The following SLC7A2 variants were observed in gnomAD, a reference collection of about 807,000 sequenced individuals.
The protein encoded by SLC7A2 is solute carrier family 7 member 2.
A neutral mutation model predicts 58.9 loss-of-function variants in SLC7A2; 48 were observed. The ratio of observed to expected loss-of-function variants is 0.82; its 90% CI spans 0.65 to 1.04. The LOEUF is 1.04. SLC7A2 is among the 50% of genes least tolerant of loss of function. The pLI is 0.00. For missense variants in SLC7A2, 1,029 were observed against 818.8 expected (o/e 1.26, Z -3.13); for synonymous variants, 363 against 314.5 (o/e 1.15, Z -1.63).
intron 8 of SLC7A2, 138 bp from the exon 9 acceptor site, chr8:17,558,157 A>G (rs535564592): frequency 5.8e-5 from 35 of 599,422 alleles, no homozygotes; most frequent in South Asian, 3.9e-4. Context: ...TGTGAGAGAT[A>G]TATTTTCTAC....
chr8:17,544,114 C>T (rs1802051446), intron 3 of SLC7A2, among the ~76,000 whole-genome samples: 1 of 152,230 alleles, frequency 6.6e-6, no homozygotes, highest in African/African-American at 2.4e-5. Flanking sequence ...AGGTGATCCA[C>T]TCACCTCGGC....
chr8:17,528,432 C>T (rs1468673931), intron 2 of SLC7A2, among the ~76,000 whole-genome samples: 2 of 151,842 alleles, frequency 1.3e-5, no homozygotes, highest in Admixed American at 6.6e-5. Flanking sequence ...TTGCCCAGGC[C>T]GGAGTGCAGT....
chr8:17,497,264 C>A lies in SLC7A2; in HGVS notation c.-69+27C>A, dbSNP rs539345638. Reference sequence around the variant, plus strand: ...TAAGTTGCTAGGTCTCCAGCCCCGCCGAGAGGCCGCGGGCGAGGGGCAGCC... The same window carrying A: ...TAAGTTGCTAGGTCTCCAGCCCCGCAGAGAGGCCGCGGGCGAGGGGCAGCC... On this transcript the variant is annotated intron_variant, in intron 1 of 12. Transcript: ENST00000494857. 139 of 152,234 alleles carry A rather than the reference C, an allele frequency of 9.1e-4. 2 individuals carry two copies. Among genetic ancestry groups the A allele is most frequent in the Non-Finnish European group, 1.3e-3 (90 of 68,068 alleles). The allele number at this position is 152,234 out of a possible 1,614,324, so 9.4% of individuals were successfully genotyped here. A position where few individuals can be genotyped will look rare whatever the true frequency, so the allele number is the denominator to read the frequency against.
At position 17,544,599 on chromosome 8, in the gene SLC7A2, T is replaced by C; in HGVS notation, c.525T>C (p.Leu175=). Residue 175 remains leucine (L), a synonymous_variant, in exon 4 of 13, where the codon CTT becomes CTC. Transcript: ENST00000494857. ...PDFFAVCLIL[L]LAGLLSFGVK... ...TTTTTGCTGTGTGCCTTATATTACT[T>C]CTAGCAGGTAAGAAAACCAGTTATG... The C allele has an allele frequency of 6.2e-7, 1 of 1,613,600 alleles. No individual in the cohort carries two copies. The highest frequency in any genetic ancestry group is 1.7e-4 in the Middle Eastern group (1 of 6,058).
chr8:17,509,306 ATTC>A (rs914010688), intron 2 of SLC7A2, among the ~76,000 whole-genome samples: 7 of 151,834 alleles, frequency 4.6e-5, no homozygotes, highest in Non-Finnish European at 7.4e-5. Flanking sequence ...TAATTTCCTT[ATTC>A]TTCTTCTTCT....
In SLC7A2 at chr8:17,565,396, GTGTA is replaced by G; in HGVS notation, c.*260_*263del. The G allele has an allele frequency of 2.3e-6, 1 of 432,428 alleles. No individual in the cohort carries two copies. Among genetic ancestry groups the G allele is most frequent in the East Asian group, 3.9e-5 (1 of 25,574 alleles). 26.8% of individuals were successfully genotyped at this position (432,428 alleles called of 1,614,324 possible). ...AAACAGTGGGAGTGTGTATGTATGT[GTGTA>G]TGTATGTATCTATGTATATGCTTGG... On this transcript the variant is annotated 3_prime_UTR_variant, in exon 13 of 13. Coordinates refer to ENST00000494857, the MANE Select transcript of SLC7A2 (RefSeq NM_001370338.1).
At position 17,560,496 on chromosome 8, in the gene SLC7A2, G is replaced by A; in HGVS notation, c.1467G>A (p.Gln489=). Residue 489 remains glutamine, a synonymous_variant, in exon 10 of 13, where the codon CAG becomes CAA. Transcript: ENST00000494857. ...GCCCCTCCCTTCTGCCAACACAGCA[G>A]TCAGCTTCTCTCGTGAGCTTTCTGG... The part of the protein sequence containing the change: ...LFCPSLLPTQ[Q]SASLVSFLVG... 3 of 1,613,952 alleles carry A rather than the reference G, an allele frequency of 1.9e-6. No individual in the cohort carries two copies. In the South Asian group the frequency reaches 3.3e-5, roughly 18 times the overall value.
chr8:17,495,698 C>G (rs1348121745), upstream of SLC7A2, among the ~76,000 whole-genome samples: 1 of 152,048 alleles, frequency 6.6e-6, no homozygotes, highest in Non-Finnish European at 1.5e-5. Context: ...TACAGGCGCC[C>G]GCCGCCGCGC....
At chr8:17,510,162 G>A (rs985761178) in intron 2 of SLC7A2, among the ~76,000 whole-genome samples, 2 of 152,048 alleles carry the variant, frequency 1.3e-5, no homozygotes, top group Non-Finnish European at 2.9e-5. Flanking sequence ...AGAGGTTGCA[G>A]TGAGCCAAGA....
At chr8:17,528,841 T>C (rs544084853) in intron 2 of SLC7A2, among the ~76,000 whole-genome samples, 2 of 152,254 alleles carry the variant, frequency 1.3e-5, no homozygotes, top group East Asian at 1.9e-4. Context: ...GTAAGAGTTA[T>C]AGGAGGAGAG....
intron 2 of SLC7A2, chr8:17,510,789 A>T (rs181947780): frequency 6.6e-6 from 1 of 152,178 alleles, no homozygotes. Context: ...CTACTAGGAA[A>T]ACACATCCAA....
chr8:17,543,351 C>T lies in SLC7A2; in HGVS notation c.12C>T (p.Cys4=), dbSNP rs1188715715. 4 of 1,611,812 alleles carry T rather than the reference C, an allele frequency of 2.5e-6. No individual in the cohort carries two copies. The highest frequency in any genetic ancestry group is 3.4e-6 in the Non-Finnish European group (4 of 1,179,106). ...CGTCAGACGTCAGAATGATTCCTTG[C>T]AGAGCCGCGCTGACCTTTGCCCGAT... The part of the protein sequence containing the change: MIP[C]RAALTFARCL... Residue 4 remains cysteine (C), a synonymous_variant, in exon 3 of 13, where the codon TGC becomes TGT. Coordinates refer to ENST00000494857, the MANE Select transcript of SLC7A2 (RefSeq NM_001370338.1).
intron 9 of SLC7A2, 105 bp from the exon 10 acceptor site, chr8:17,560,223 A>G (rs781578401): frequency 3.9e-6 from 3 of 776,172 alleles, no homozygotes; most frequent in South Asian, 1.6e-5. Flanking sequence ...TTTACTCTAC[A>G]CACTATCACT....
chr8:17,498,624 C>A (rs75890995), intron 1 of SLC7A2: 10,352 of 152,226 alleles, frequency 0.068, 425 homozygotes, highest in South Asian at 0.11. Context: ...CAAGTTTCTT[C>A]CCTCGGCCCA....
Position 17,548,800 on chromosome 8 carries a change from A to G in SLC7A2, c.655A>G (p.Lys219Glu). Residue 219 changes from lysine (K) to glutamate (E), a missense_variant, in exon 5 of 13, where the codon AAG (lysine) becomes GAG (glutamate). By Grantham distance (56) the Lys-to-Glu change is moderately conservative. Coordinates refer to ENST00000494857, the MANE Select transcript of SLC7A2 (RefSeq NM_001370338.1). ...TGTGAAAGGAAATGTGGCAAACTGG[A>G]AGATTAGTGAAGAGTTTCTCAAAAA... The part of the protein sequence containing the change: ...GFVKGNVANW[K>E]ISEEFLKNIS... 1.2e-6 allele frequency: 2 copies of G among 1,613,384 alleles called. No homozygotes were observed. Among genetic ancestry groups the G allele is most frequent in the Non-Finnish European group, 1.7e-6 (2 of 1,179,862 alleles).
intron 2 of SLC7A2, among the ~76,000 whole-genome samples, chr8:17,531,032 G>T (rs759711325): frequency 2.6e-5 from 4 of 151,944 alleles, no homozygotes; most frequent in Admixed American, 6.6e-5. Context: ...ATCTCCATAC[G>T]GTGTGGTTTC....
At chr8:17,550,541 G>A (rs909918070) in intron 6 of SLC7A2, 107 bp downstream of exon 6, 1 of 1,022,168 alleles carries the variant, frequency 9.8e-7, no homozygotes, top group African/African-American at 1.6e-5. Context: ...TTTCGGGTAA[G>A]AAGGGCACTA....
intron 6 of SLC7A2, among the ~76,000 whole-genome samples, chr8:17,551,311 A>T (rs760471579): frequency 2.0e-5 from 3 of 152,208 alleles, no homozygotes; most frequent in Non-Finnish European, 2.9e-5. Context: ...TGTAAAACAG[A>T]TGGATCAGCT....
intron 2 of SLC7A2, among the ~76,000 whole-genome samples, chr8:17,503,946 T>C (rs1800268428): frequency 6.6e-6 from 1 of 152,188 alleles, no homozygotes; most frequent in Non-Finnish European, 1.5e-5. Context: ...CCCTCCATCC[T>C]TAAGTCCTCA....
Sources: gnomAD v4.1 joint callset for allele counts (sites outside exome capture counted in the v4.1 genomes callset) on GRCh38, gnomAD v4.1.1 for gene constraint, MANE v1.5 for transcripts, NCBI Gene and HGNC (gene_info 2026-07-23, HGNC 2026-07-21) for gene names.